Variants in ABCC6 observed in about 807,000 individuals in gnomAD.
The protein encoded by ABCC6 is ATP binding cassette subfamily C member 6.
A neutral mutation model predicts 169.5 loss-of-function variants in ABCC6; 126 were observed. The ratio of observed to expected loss-of-function variants is 0.74; its 90% CI spans 0.64 to 0.86. The LOEUF is 0.86. Among genes scored for constraint, ABCC6 ranks in the 40% least tolerant of loss-of-function variants. ABCC6 has a pLI of 0.00. For missense variants in ABCC6, 1,733 were observed against 1,927.2 expected (o/e 0.90, Z 1.89); for synonymous variants, 752 against 814.7 (o/e 0.92, Z 1.31).
chr16:16,179,522 G>A (rs1313982334), intron 17 of ABCC6, among the ~76,000 whole-genome samples: 2 of 152,040 alleles, frequency 1.3e-5, no homozygotes, highest in African/African-American at 4.8e-5. Context: ...GATGGCCCGG[G>A]GGATGGTTTC....
chr16:16,169,987 C>T, intron 21 of ABCC6, 134 bp from the exon 22 acceptor site: 1 of 876,388 alleles, frequency 1.1e-6, no homozygotes, highest in Non-Finnish European at 1.8e-6. Context: ...CACTGGTTCT[C>T]CCGCTGTGCC....
Position 16,187,144 on chromosome 16 carries a change from T to G in ABCC6, c.1847A>C (p.Asp616Ala). ...CTCACCGCTTCCAGAGGAACTTGAG[T>G]CTACGACACCAGGGTCAACTTCTTC... The part of the protein sequence containing the change: ...CLEEVDPGVV[D>A]SSSSGSAAGK... Residue 616 changes from aspartate to alanine, a missense_variant, in exon 14 of 31, where the codon GAC (aspartate) becomes GCC (alanine). Coordinates refer to ENST00000205557, the MANE Select transcript of ABCC6 (RefSeq NM_001171.6). The G allele has an allele frequency of 6.2e-7, 1 of 1,613,370 alleles. No homozygotes were observed. The highest frequency in any genetic ancestry group is 8.5e-7 in the Non-Finnish European group (1 of 1,179,714).
intron 20 of ABCC6, among the ~76,000 whole-genome samples, chr16:16,174,220 A>G (rs1322869749): frequency 6.6e-6 from 1 of 152,174 alleles, no homozygotes; most frequent in Non-Finnish European, 1.5e-5. Context: ...ACAGACTGCA[A>G]CCTACTCCTG....
chr16:16,152,192 CAAAAAA>C (rs61339757), intron 29 of ABCC6, among the ~76,000 whole-genome samples: 24 of 40,316 alleles, frequency 6.0e-4, no homozygotes, highest in Admixed American at 3.2e-3. Context: ...GACTCTGTCT[CAAAAAA>C]AAAAAAAAAA....
At chr16:16,196,542 G>A (rs1363693606) in intron 10 of ABCC6, among the ~76,000 whole-genome samples, 1 of 152,184 alleles carries the variant, frequency 6.6e-6, no homozygotes, top group African/African-American at 2.4e-5. Context: ...CAGCCCCTCT[G>A]GGGCAGGAGT....
intron 22 of ABCC6, among the ~76,000 whole-genome samples, chr16:16,166,163 G>A (rs1347798320): frequency 6.6e-6 from 1 of 152,120 alleles, no homozygotes; most frequent in Non-Finnish European, 1.5e-5. Flanking sequence ...CGATCCTCCC[G>A]CCTCACCCTC....
At chr16:16,166,752 G>C (rs1410404885) in intron 22 of ABCC6, among the ~76,000 whole-genome samples, 2 of 152,062 alleles carry the variant, frequency 1.3e-5, no homozygotes, top group Admixed American at 1.3e-4. Context: ...TTAGCTGGGC[G>C]TGGTGGCAGG....
rs994081376 is a variant in ABCC6 at position 16,182,935 on chromosome 16, A to G, written c.1944-5T>C. ...TGGGGCACCGTGAGGTTTATTCTGGACACGCAAGAGGGGAGACATGACCTT... is the reference window on the plus strand; with the variant it reads ...TGGGGCACCGTGAGGTTTATTCTGGGCACGCAAGAGGGGAGACATGACCTT... On this transcript the variant is annotated splice_polypyrimidine_tract_variant and splice_region_variant and intron_variant, in intron 15 of 30. Transcript: ENST00000205557. 5.0e-6 allele frequency: 8 copies of G among 1,614,020 alleles called. No homozygotes were observed. In the African/African-American group the frequency reaches 6.7e-5, roughly 13 times the overall value.
In ABCC6 at chr16:16,165,759, A is replaced by G. The variant is rs759678455; in HGVS notation, c.3170T>C (p.Val1057Ala). The G allele has an allele frequency of 1.2e-6, 2 of 1,613,666 alleles. No individual in the cohort carries two copies. Among genetic ancestry groups the G allele is most frequent in the Non-Finnish European group, 1.7e-6 (2 of 1,180,038 alleles). ...RFSKETDTVD[V>A]DIPDKLRSLL... ...GGACCGGAGTTTGTCTGGAATGTCC[A>G]CGTCAACCGTGTCTGTCTCCTTGGA... The change falls in exon 23 of 31, where the codon GTG (valine) becomes GCG (alanine). Residue 1057 changes from valine (V) to alanine (A), a missense_variant. This residue lies in a region of ABCC6 where 1,601 missense variants were observed against 1,635.5 expected (regional missense o/e 0.98). Transcript: ENST00000205557.
chr16:16,153,566 G>C (rs987058266), intron 29 of ABCC6, among the ~76,000 whole-genome samples: 2 of 152,080 alleles, frequency 1.3e-5, no homozygotes, highest in Non-Finnish European at 2.9e-5. Context: ...CATGGGTACA[G>C]AGTTGTAGTT....
At chr16:16,203,145 T>C (rs1319893212) in intron 8 of ABCC6, among the ~76,000 whole-genome samples, 1 of 152,226 alleles carries the variant, frequency 6.6e-6, no homozygotes, top group Non-Finnish European at 1.5e-5. Flanking sequence ...AGAATGTTTG[T>C]CATTTTAAGC....
At chr16:16,206,942 C>A (rs1244544156) in intron 7 of ABCC6, among the ~76,000 whole-genome samples, 3 of 152,098 alleles carry the variant, frequency 2.0e-5, no homozygotes, top group African/African-American at 4.8e-5. Flanking sequence ...TTCAAGATCA[C>A]CCTGGCCAAC....
intron 7 of ABCC6, among the ~76,000 whole-genome samples, chr16:16,208,196 G>A (rs560439326): frequency 1.1e-4 from 16 of 152,028 alleles, no homozygotes; most frequent in Non-Finnish European, 1.5e-4. Flanking sequence ...TTTGTTCCCC[G>A]TTTGTAGGAA....
At chr16:16,214,475 G>C (rs1347359016) in intron 4 of ABCC6, 26 bp from the exon 5 acceptor site, 2 of 1,551,858 alleles carry the variant, frequency 1.3e-6, no homozygotes, top group Admixed American at 3.9e-5. Flanking sequence ...CAGAAGATAA[G>C]GAATGGAGAC....
chr16:16,165,492 C>G (rs1372517405), intron 23 of ABCC6, 131 bp downstream of exon 23: 1 of 933,144 alleles, frequency 1.1e-6, no homozygotes, highest in Non-Finnish European at 1.7e-6. Flanking sequence ...TGTCCCTGTC[C>G]CTGGGAATTC....
rs553073945 is a variant in ABCC6, at chr16:16,170,191, C to A, written c.2788-338G>T. ...TCATGGCTCACTGCAGCCTTGAACT[C>A]CTAGGCTCAAGTAATCCCCCCGCCT... On this transcript the variant is annotated intron_variant, in intron 21 of 30. Coordinates refer to ENST00000205557, the MANE Select transcript of ABCC6 (RefSeq NM_001171.6). Among the ~76,000 whole-genome samples the A allele has an allele frequency of 2.6e-5, 4 of 151,860 alleles. No individual in the cohort carries two copies. The South Asian group carries it at 8.3e-4, about 32-fold the overall frequency.
chr16:16,170,495 G>T (rs981810274), intron 21 of ABCC6, among the ~76,000 whole-genome samples: 3 of 152,134 alleles, frequency 2.0e-5, no homozygotes, highest in Admixed American at 1.3e-4. Context: ...GCACAGAGAG[G>T]TTCAGCCACT....
rs1268077068 is a variant in ABCC6, at chr16:16,208,863, C to T, written c.663-4G>A. On this transcript the variant is annotated splice_region_variant and splice_polypyrimidine_tract_variant and intron_variant, in intron 6 of 30. Coordinates refer to ENST00000205557, the MANE Select transcript of ABCC6 (RefSeq NM_001171.6). ...CCTGTATCCCCTCCAGACCAGGCTG[C>T]AAAAGAGGGGCACCAGGGAAAGCTT... The T allele has an allele frequency of 6.2e-7, 1 of 1,613,328 alleles. No homozygotes were observed.
intron 21 of ABCC6, among the ~76,000 whole-genome samples, chr16:16,172,049 TGG>T (rs2047104157): frequency 4.3e-5 from 1 of 23,252 alleles, no homozygotes; most frequent in Non-Finnish European, 7.8e-5. Context: ...CATAAATGAG[TGG>T]GATGGATAAA....
Sources: gnomAD v4.1 joint callset for allele counts (sites outside exome capture counted in the v4.1 genomes callset) on GRCh38, gnomAD v4.1.1 for gene constraint, gnomAD v4.1.1 regional missense constraint, MANE v1.5 for transcripts, NCBI Gene and HGNC (gene_info 2026-07-23, HGNC 2026-07-21) for gene names.